CLIP3: variants seen among roughly 807,000 people sequenced by gnomAD.
The protein encoded by CLIP3 is CAP-Gly domain containing linker protein 3.
CLIP3 carries 15 observed loss-of-function variants against 59.4 expected under a neutral mutation model. That is an observed-to-expected ratio of 0.25 (90% confidence interval 0.17 to 0.39). The LOEUF (loss-of-function observed/expected upper bound fraction) is 0.39. Among genes scored for constraint, CLIP3 ranks in the 10% least tolerant of loss-of-function variants. The pLI, the probability that CLIP3 is intolerant of heterozygous loss-of-function variation, is 1.00. For missense variants in CLIP3, 495 were observed against 765.7 expected, an observed-to-expected ratio of 0.65 and a Z score of 4.17; for synonymous variants, 300 against 321.6, an observed-to-expected ratio of 0.93 and a Z score of 0.72.
Position 36,016,132 on chromosome 19 carries a change from G to T in CLIP3, c.*26C>A, listed in dbSNP as rs1207255771. 6.2e-7 allele frequency: 1 copy of T among 1,613,444 alleles called. No homozygotes were observed. The highest frequency in any genetic ancestry group is 1.7e-5 in the Admixed American group (1 of 59,978). ...GTCAGGAGATGCTAGTGGGGACTCT[G>T]TCTCTTTGTCAGGTGTCCAGGGCCT... On this transcript the variant is annotated 3_prime_UTR_variant, in exon 14 of 14. Coordinates refer to ENST00000360535, the MANE Select transcript of CLIP3 (RefSeq NM_015526.3). This position sits in a 1 kb window ranked among gnomAD's most constrained non-coding sequence, Gnocchi z 4.1.
At chr19:36,023,426 A>G (rs999951566) in intron 7 of CLIP3, among the ~76,000 whole-genome samples, 2 of 152,144 alleles carry the variant, frequency 1.3e-5, no homozygotes, top group Non-Finnish European at 2.9e-5. Context: ...GTTCTTTCCT[A>G]TCTCAGTTTG....
In CLIP3 at chr19:36,016,495, A is replaced by T. The variant is rs1181797634; in HGVS notation, c.1590-283T>A. On this transcript the variant is annotated intron_variant, in intron 13 of 13. Transcript: ENST00000360535. This position sits in a 1 kb window ranked among gnomAD's most constrained non-coding sequence, Gnocchi z 4.1. ...CCCGAGTAGCTGGGACTACAGGTGT[A>T]TGCCATTGTGTCCGGCTAACTTTTG... Among the ~76,000 whole-genome samples, 1 of 152,142 alleles carries T rather than the reference A, an allele frequency of 6.6e-6. No homozygotes were observed. Among genetic ancestry groups the T allele is most frequent in the East Asian group, 1.9e-4 (1 of 5,180 alleles).
At chr19:36,029,123 C>T (rs1447397808) in intron 2 of CLIP3, among the ~76,000 whole-genome samples, 2 of 149,160 alleles carry the variant, frequency 1.3e-5, no homozygotes, top group African/African-American at 5.0e-5. Context: ...AGTTCGAGAC[C>T]AGCCTGACCA....
At chr19:36,024,712 C>T in intron 6 of CLIP3, 80 bp from the exon 7 acceptor site, 1 of 1,357,598 alleles carries the variant, frequency 7.4e-7, no homozygotes, top group Non-Finnish European at 1.0e-6. Flanking sequence ...CTAGAGACCA[C>T]CAGTCTGGGT....
chr19:36,017,899 C>T lies in CLIP3; in HGVS notation c.1276G>A (p.Gly426Ser). ...AAGCGCACGATCCCCTGCTTCTGGCCCGCGACAAGGACCTGGTCTCCAACC... is the reference window on the plus strand; with the variant it reads ...AAGCGCACGATCCCCTGCTTCTGGCTCGCGACAAGGACCTGGTCTCCAACC... ...AEVGDQVLVA[G>S]QKQGIVRFYG... is the part of the protein sequence containing the mutation. The change falls in exon 10 of 14, where the codon GGC becomes AGC. Residue 426 changes from glycine to serine, a missense_variant. Gly to Ser is a moderately conservative substitution (Grantham distance 56). Transcript: ENST00000360535. 1 of 1,614,048 alleles carries T rather than the reference C, an allele frequency of 6.2e-7. No homozygotes were observed. The highest frequency in any genetic ancestry group is 2.2e-5 in the East Asian group (1 of 44,876).
chr19:36,026,841 G>A lies in CLIP3; in HGVS notation c.401-94C>T. 6.5e-7 allele frequency: 1 copy of A among 1,530,826 alleles called. No individual in the cohort carries two copies. Among genetic ancestry groups the A allele is most frequent in the Non-Finnish European group, 8.8e-7 (1 of 1,140,626 alleles). 94.8% of individuals were successfully genotyped at this position (1,530,826 alleles called of 1,614,324 possible). On this transcript the variant is annotated intron_variant, in intron 4 of 13. Transcript: ENST00000360535. The surrounding 1 kb of genome is among the most constrained non-coding windows in gnomAD (Gnocchi z 6.3). ...CTGGGCTTCAGGGACTATACTTTGG[G>A]ATCCGAAGCTTCGGGTTCCAGATGG...
At position 36,016,065 on chromosome 19, in the gene CLIP3, A is replaced by T; in HGVS notation, c.*93T>A. 1 of 1,342,720 alleles carries T rather than the reference A, an allele frequency of 7.4e-7. No individual in the cohort carries two copies. Among genetic ancestry groups the T allele is most frequent in the Non-Finnish European group, 1.1e-6 (1 of 943,470 alleles). The allele number at this position is 1,342,720 out of a possible 1,614,324, so 83.2% of individuals were successfully genotyped here. ...CAGGGGTCTCTACTCTGGATGTGTT[A>T]CTGGGAATCTCTATCTCAGGGTGAC... On this transcript the variant is annotated 3_prime_UTR_variant, in exon 14 of 14. Coordinates refer to ENST00000360535, the MANE Select transcript of CLIP3 (RefSeq NM_015526.3). This position sits in a 1 kb window ranked among gnomAD's most constrained non-coding sequence, Gnocchi z 4.1.
At chr19:36,019,528 A>G in intron 7 of CLIP3, 1 of 635,090 alleles carries the variant, frequency 1.6e-6, no homozygotes, top group Non-Finnish European at 2.8e-6. Flanking sequence ...GGATTGTTAA[A>G]GAGTTGCCCT....
intron 7 of CLIP3, among the ~76,000 whole-genome samples, chr19:36,021,212 G>A (rs1399809222): frequency 1.3e-5 from 2 of 151,962 alleles, no homozygotes; most frequent in African/African-American, 4.8e-5. Context: ...ACTTTGGTCA[G>A]GGGACTTATT....
At chr19:36,017,341 A>G (rs772844452) in intron 12 of CLIP3, 45 bp downstream of exon 12, 1 of 1,577,744 alleles carries the variant, frequency 6.3e-7, no homozygotes, top group South Asian at 1.1e-5. Context: ...CCTTCCTCCC[A>G]TCCCCAAACG....
intron 2 of CLIP3, among the ~76,000 whole-genome samples, chr19:36,029,741 C>T (rs986342550): frequency 3.3e-5 from 5 of 152,148 alleles, no homozygotes; most frequent in Admixed American, 1.3e-4. Flanking sequence ...CAAGGCCAGG[C>T]ACAGCACATG....
chr19:36,030,799 C>G (rs1969232948), intron 2 of CLIP3, among the ~76,000 whole-genome samples: 1 of 152,158 alleles, frequency 6.6e-6, no homozygotes, highest in Non-Finnish European at 1.5e-5. Flanking sequence ...AAGTTCAATT[C>G]TGCCTCAGGG....
At position 36,027,409 on chromosome 19, in the gene CLIP3, C is replaced by A. The variant is rs1969143005; in HGVS notation, c.167-138G>T. The A allele has an allele frequency of 5.6e-6, 5 of 899,378 alleles. 1 individual carries two copies. In the South Asian group the frequency reaches 1.2e-4, roughly 22 times the overall value. 55.7% of individuals were successfully genotyped at this position (899,378 alleles called of 1,614,324 possible). A position where few individuals can be genotyped will look rare whatever the true frequency, so the allele number is the denominator to read the frequency against. On this transcript the variant is annotated intron_variant, in intron 2 of 13. Coordinates refer to ENST00000360535, the MANE Select transcript of CLIP3 (RefSeq NM_015526.3). ...CTGGTGGCACATGGGCCACAGTCAA[C>A]CCACAGGCATTTTCTGTGTGGCCAG...
chr19:36,030,516 G>A (rs115118014), intron 2 of CLIP3, among the ~76,000 whole-genome samples: 98 of 152,192 alleles, frequency 6.4e-4, no homozygotes, highest in African/African-American at 2.1e-3. Flanking sequence ...TTCCCAGCCT[G>A]CATATCTTCC....
intron 7 of CLIP3, among the ~76,000 whole-genome samples, chr19:36,022,782 G>A (rs924027762): frequency 1.3e-5 from 2 of 152,250 alleles, no homozygotes; most frequent in South Asian, 2.1e-4. Flanking sequence ...AAGGCCAGGC[G>A]CGGTGGCTCA....
At chr19:36,023,506 C>T (rs543603628) in intron 7 of CLIP3, among the ~76,000 whole-genome samples, 3 of 152,076 alleles carry the variant, frequency 2.0e-5, no homozygotes, top group African/African-American at 7.2e-5. Flanking sequence ...CAGCCAGGGA[C>T]AATTTACTAA....
Position 36,018,923 on chromosome 19 carries a change from G to C in CLIP3, c.1158C>G (p.Thr386=). Reference sequence around the variant, plus strand: ...CTTTGTGTTCCCTGCGGCCTTTGCCGGTGACACGGGAGAAGTCCATCCGGG... The same window carrying C: ...CTTTGTGTTCCCTGCGGCCTTTGCCCGTGACACGGGAGAAGTCCATCCGGG... The part of the protein sequence containing the change: ...RTPRMDFSRV[T]GKGRREHKGK... Residue 386 remains threonine, a synonymous_variant, in exon 9 of 14, where the codon ACC becomes ACG. Coordinates refer to ENST00000360535, the MANE Select transcript of CLIP3 (RefSeq NM_015526.3). The C allele has an allele frequency of 6.2e-7, 1 of 1,613,510 alleles. No individual in the cohort carries two copies. The highest frequency in any genetic ancestry group is 8.5e-7 in the Non-Finnish European group (1 of 1,179,710).
intron 6 of CLIP3, among the ~76,000 whole-genome samples, chr19:36,024,939 G>A (rs1455520670): frequency 2.0e-5 from 3 of 152,014 alleles, no homozygotes; most frequent in Non-Finnish European, 4.4e-5. Flanking sequence ...GGTGGCGTGT[G>A]CCTGTAATCC....
At chr19:36,020,573 T>C (rs1254134842) in intron 7 of CLIP3, among the ~76,000 whole-genome samples, 3 of 152,210 alleles carry the variant, frequency 2.0e-5, no homozygotes, top group Non-Finnish European at 4.4e-5. Context: ...CACTCCAGCC[T>C]GAGCAACAGA....
Sources: allele counts gnomAD v4.1 joint callset (sites outside exome capture counted in the v4.1 genomes callset), GRCh38; gene constraint gnomAD v4.1.1; non-coding constraint Gnocchi (gnomAD v3.1); transcripts MANE v1.5; gene names NCBI Gene and HGNC (gene_info 2026-07-23, HGNC 2026-07-21).